Variants in BLOC1S6 observed in about 807,000 individuals in gnomAD.
The protein encoded by BLOC1S6 is biogenesis of lysosome-related organelles complex 1 subunit 6.
In BLOC1S6, 24 loss-of-function variants were observed where a neutral mutation model predicts 24.7. That is an observed-to-expected ratio of 0.97 (90% CI 0.70 to 1.37). BLOC1S6 has a LOEUF of 1.37. Among genes scored for constraint, BLOC1S6 ranks in the 40% most tolerant of loss-of-function variants. BLOC1S6 has a pLI of 0.00. For missense variants in BLOC1S6, 175 were observed against 196.2 expected, an observed-to-expected ratio of 0.89 and a Z score of 0.64; for synonymous variants, 76 against 72.6, an observed-to-expected ratio of 1.05 and a Z score of -0.23.
chr15:45,597,565 T>C (rs896078274), intron 2 of BLOC1S6, among the ~76,000 whole-genome samples: 3 of 152,234 alleles, frequency 2.0e-5, no homozygotes, highest in African/African-American at 7.2e-5. Flanking sequence ...TAGAGTTTTA[T>C]ACTTTTTGCA....
At chr15:45,592,511 T>A (rs1190905157) in intron 2 of BLOC1S6, among the ~76,000 whole-genome samples, 1 of 152,250 alleles carries the variant, frequency 6.6e-6, no homozygotes, top group African/African-American at 2.4e-5. Context: ...TCCTAAATCT[T>A]ACCTAGAATC....
At chr15:45,598,037 G>A (rs998174060) in intron 2 of BLOC1S6, 5 of 171,550 alleles carry the variant, frequency 2.9e-5, no homozygotes, top group Non-Finnish European at 5.1e-5. Flanking sequence ...TTCAATATAC[G>A]CAAATCAATA....
intron 3 of BLOC1S6, among the ~76,000 whole-genome samples, chr15:45,604,332 A>G (rs142646847): frequency 5.3e-5 from 8 of 152,332 alleles, no homozygotes; most frequent in African/African-American, 1.9e-4. Flanking sequence ...AACAAAGTTC[A>G]TATTCTCTGG....
chr15:45,595,387 C>T (rs1894035679), intron 2 of BLOC1S6, among the ~76,000 whole-genome samples: 1 of 152,192 alleles, frequency 6.6e-6, no homozygotes, highest in Non-Finnish European at 1.5e-5. Context: ...ATTTTAGAAG[C>T]TCTGTGCCAG....
At chr15:45,593,985 G>C (rs1324499449) in intron 2 of BLOC1S6, among the ~76,000 whole-genome samples, 1 of 152,146 alleles carries the variant, frequency 6.6e-6, no homozygotes, top group Non-Finnish European at 1.5e-5. Context: ...GACTGTTAAG[G>C]AAAGGTAAAC....
At chr15:45,606,278 A>G (rs1894456148) in intron 4 of BLOC1S6, 117 bp from the exon 5 acceptor site, 3 of 1,391,654 alleles carry the variant, frequency 2.2e-6, no homozygotes, top group Non-Finnish European at 3.0e-6. Context: ...AATGTCCAAG[A>G]TGAAGTTTAT....
At chr15:45,589,920 G>A (rs1893822265) in intron 1 of BLOC1S6, among the ~76,000 whole-genome samples, 1 of 152,168 alleles carries the variant, frequency 6.6e-6, no homozygotes, top group Non-Finnish European at 1.5e-5. Context: ...TGGGAGGAGG[G>A]TTTGTGAGTT....
intron 1 of BLOC1S6, among the ~76,000 whole-genome samples, chr15:45,589,179 T>G (rs181394068): frequency 6.6e-6 from 1 of 152,180 alleles, no homozygotes; most frequent in Non-Finnish European, 1.5e-5. Flanking sequence ...CTAAAAATAA[T>G]GTAGTAGATC....
At chr15:45,606,047 C>G (rs1024481874) in intron 4 of BLOC1S6, among the ~76,000 whole-genome samples, 1 of 152,152 alleles carries the variant, frequency 6.6e-6, no homozygotes, top group South Asian at 2.1e-4. Context: ...CTCAAGCAGC[C>G]CTCTGGCCTC....
In BLOC1S6 at chr15:45,603,201, A is replaced by C; in HGVS notation, c.312+14A>C. 6.6e-7 allele frequency: 1 copy of C among 1,513,178 alleles called. No individual in the cohort carries two copies. 93.7% of individuals were successfully genotyped at this position (1,513,178 alleles called of 1,614,324 possible). Reference sequence around the variant, plus strand: ...ATTAATGCTTTGGTAAGTATGATTTAGTTGATGTAATTTAATGACATCTTG... The same window carrying C: ...ATTAATGCTTTGGTAAGTATGATTTCGTTGATGTAATTTAATGACATCTTG... On this transcript the variant is annotated intron_variant, in intron 3 of 4. Transcript: ENST00000220531.
At chr15:45,590,375 C>T (rs1893840062) in intron 1 of BLOC1S6, among the ~76,000 whole-genome samples, 1 of 149,176 alleles carries the variant, frequency 6.7e-6, no homozygotes, top group African/African-American at 2.5e-5. Flanking sequence ...AAAAAGCTTA[C>T]TTCGAATATG....
rs768474515 is a variant in BLOC1S6 at position 45,605,556 on chromosome 15, T to C, written c.399+42T>C. On this transcript the variant is annotated intron_variant, in intron 4 of 4. Coordinates refer to ENST00000220531, the MANE Select transcript of BLOC1S6 (RefSeq NM_012388.4). Reference sequence around the variant, plus strand: ...TTCACATTCTTTACAAAAGTAGAGGTTTAATTGTTTTTTGTTGTTTTTTTT... The same window carrying C: ...TTCACATTCTTTACAAAAGTAGAGGCTTAATTGTTTTTTGTTGTTTTTTTT... 13 of 1,388,314 alleles carry C rather than the reference T, an allele frequency of 9.4e-6. No homozygotes were observed. In the Admixed American group the frequency reaches 2.7e-4, roughly 28 times the overall value. 86.0% of individuals were successfully genotyped at this position (1,388,314 alleles called of 1,614,324 possible). A position where few individuals can be genotyped will look rare whatever the true frequency, so the allele number is the denominator to read the frequency against.
At position 45,607,018 on chromosome 15, in the gene BLOC1S6, A is replaced by C. The variant is rs903013753; in HGVS notation, c.*504A>C. The C allele has an allele frequency of 6.4e-6, 1 of 155,530 alleles. No individual in the cohort carries two copies. Among genetic ancestry groups the C allele is most frequent in the African/African-American group, 2.4e-5 (1 of 41,500 alleles). 9.6% of individuals were successfully genotyped at this position (155,530 alleles called of 1,614,324 possible). ...TAAACCTTTTGAACAGTTGAATTTC[A>C]TCAGAAGCTCTATAGCTTTTTGGTG... On this transcript the variant is annotated 3_prime_UTR_variant, in exon 5 of 5. Coordinates refer to ENST00000220531, the MANE Select transcript of BLOC1S6 (RefSeq NM_012388.4).
chr15:45,589,181 T>A (rs992955041), intron 1 of BLOC1S6, among the ~76,000 whole-genome samples: 3 of 152,194 alleles, frequency 2.0e-5, no homozygotes, highest in Non-Finnish European at 4.4e-5. Flanking sequence ...AAAAATAATG[T>A]AGTAGATCCC....
chr15:45,602,526 C>A (rs986571395), intron 2 of BLOC1S6, among the ~76,000 whole-genome samples: 1 of 152,304 alleles, frequency 6.6e-6, no homozygotes, highest in African/African-American at 2.4e-5. Flanking sequence ...CTGATCTTCT[C>A]ACTTTGTAAA....
Position 45,608,935 on chromosome 15 carries a change from A to G in BLOC1S6, c.*2421A>G, listed in dbSNP as rs1455505318. ...CCAGTAGACAGGCAATAGATATAGA[A>G]TTCTGGTTAGCTAATTGAACTTTTG... On this transcript the variant is annotated 3_prime_UTR_variant, in exon 5 of 5. Coordinates refer to ENST00000220531, the MANE Select transcript of BLOC1S6 (RefSeq NM_012388.4). 1 of 152,200 alleles carries G rather than the reference A, an allele frequency of 6.6e-6. No homozygotes were observed. Among genetic ancestry groups the G allele is most frequent in the Admixed American group, 6.5e-5 (1 of 15,274 alleles). The allele number at this position is 152,200 out of a possible 1,614,324, so 9.4% of individuals were successfully genotyped here. A position where few individuals can be genotyped will look rare whatever the true frequency, so the allele number is the denominator to read the frequency against.
intron 3 of BLOC1S6, among the ~76,000 whole-genome samples, chr15:45,604,540 A>G (rs1169454064): frequency 6.6e-6 from 1 of 152,150 alleles, no homozygotes; most frequent in Non-Finnish European, 1.5e-5. Context: ...CTTTAGTCTG[A>G]AGGGGCAGGA....
chr15:45,606,013 C>T (rs372388371), intron 4 of BLOC1S6, among the ~76,000 whole-genome samples: 10 of 152,162 alleles, frequency 6.6e-5, no homozygotes, highest in South Asian at 2.1e-4. Context: ...ACTACGTTTC[C>T]GAGGCTGGTC....
rs1257711160 is a variant in BLOC1S6 at position 45,607,811 on chromosome 15, G to GTA, written c.*1298_*1299dup. 3 of 152,090 alleles carry GTA rather than the reference G, an allele frequency of 2.0e-5. No homozygotes were observed. Among genetic ancestry groups the GTA allele is most frequent in the Non-Finnish European group, 4.4e-5 (3 of 68,026 alleles). The allele number at this position is 152,090 out of a possible 1,614,324, so 9.4% of individuals were successfully genotyped here. A position where few individuals can be genotyped will look rare whatever the true frequency, so the allele number is the denominator to read the frequency against. On this transcript the variant is annotated 3_prime_UTR_variant, in exon 5 of 5. Coordinates refer to ENST00000220531, the MANE Select transcript of BLOC1S6 (RefSeq NM_012388.4). ...AAAAAATTTCTTGAAGTGGAATGAT[G>GTA]TACACCAAATACCCACTTTATAGAT...
Sources: gnomAD v4.1 joint callset for allele counts (sites outside exome capture counted in the v4.1 genomes callset) on GRCh38, gnomAD v4.1.1 for gene constraint, MANE v1.5 for transcripts, NCBI Gene and HGNC (gene_info 2026-07-23, HGNC 2026-07-21) for gene names.